The following CLSTN2 variants were observed in gnomAD, a reference collection of about 807,000 sequenced individuals.
CLSTN2 encodes calsyntenin-2.
CLSTN2 carries 48 observed loss-of-function variants against 101.2 expected under a neutral mutation model. That is an observed-to-expected ratio of 0.47 (90% CI 0.38 to 0.60). The LOEUF (loss-of-function observed/expected upper bound fraction) is 0.60. Among genes scored for constraint, CLSTN2 ranks in the 20% least tolerant of loss-of-function variants. CLSTN2 has a pLI of 0.00. For missense variants in CLSTN2, 1,160 were observed against 1,238.2 expected (o/e 0.94, Z 0.95); for synonymous variants, 481 against 463.6 (o/e 1.04, Z -0.48).
chr3:140,293,357 C>G (rs1233717428), intron 2 of CLSTN2, among the ~76,000 whole-genome samples: 2 of 152,120 alleles, frequency 1.3e-5, no homozygotes, highest in African/African-American at 2.4e-5. Context: ...TACTTCCTAT[C>G]CAGGCAAGGC....
Position 140,566,403 on chromosome 3 carries a change from G to A in CLSTN2, c.*150G>A. 1 of 742,618 alleles carries A rather than the reference G, an allele frequency of 1.3e-6. No homozygotes were observed. Among genetic ancestry groups the A allele is most frequent in the Non-Finnish European group, 2.2e-6 (1 of 446,570 alleles). The allele number at this position is 742,618 out of a possible 1,614,324, so 46.0% of individuals were successfully genotyped here. ...CTGGAGCCCACCCTTTAAGCCTTGG[G>A]CACTCCCTGTGTTTCATCCATGGGG... On this transcript the variant is annotated 3_prime_UTR_variant, in exon 17 of 17. Transcript: ENST00000458420.
At chr3:140,116,884 C>T (rs948354957) in intron 1 of CLSTN2, among the ~76,000 whole-genome samples, 1 of 152,166 alleles carries the variant, frequency 6.6e-6, no homozygotes, top group Non-Finnish European at 1.5e-5. Context: ...GCAAAGTGCA[C>T]TGAGTGCTTT....
At chr3:140,299,782 A>G (rs1267118101) in intron 2 of CLSTN2, among the ~76,000 whole-genome samples, 1 of 152,232 alleles carries the variant, frequency 6.6e-6, no homozygotes, top group Non-Finnish European at 1.5e-5. Flanking sequence ...TTCTTTGGCT[A>G]TATTCTATCA....
intron 1 of CLSTN2, among the ~76,000 whole-genome samples, chr3:140,063,553 A>G (rs556176453): frequency 6.6e-6 from 1 of 152,338 alleles, no homozygotes; most frequent in Non-Finnish European, 1.5e-5. Flanking sequence ...TCCTTATCTT[A>G]GGGAATACAA....
chr3:140,534,095 T>C (rs1935313848), intron 9 of CLSTN2, among the ~76,000 whole-genome samples: 2 of 152,162 alleles, frequency 1.3e-5, no homozygotes, highest in East Asian at 1.9e-4. Flanking sequence ...CTATTTAGTA[T>C]AGCAGGGCAG....
In CLSTN2 at chr3:140,571,246, C is replaced by T. The variant is rs535548996; in HGVS notation, c.*4993C>T. The T allele has an allele frequency of 1.3e-5, 2 of 152,316 alleles. No individual in the cohort carries two copies. Among genetic ancestry groups the T allele is most frequent in the African/African-American group, 2.4e-5 (1 of 41,578 alleles). 9.4% of individuals were successfully genotyped at this position (152,316 alleles called of 1,614,324 possible). A position where few individuals can be genotyped will look rare whatever the true frequency, so the allele number is the denominator to read the frequency against. ...TAAAAATGATCCTAAAGACTTGTGA[C>T]TGTTTGAATCAATAGCAACATCATC... On this transcript the variant is annotated 3_prime_UTR_variant, in exon 17 of 17. Transcript: ENST00000458420.
At chr3:140,390,213 A>G (rs564092540) in intron 2 of CLSTN2, among the ~76,000 whole-genome samples, 1 of 151,966 alleles carries the variant, frequency 6.6e-6, no homozygotes, top group Admixed American at 6.6e-5. Flanking sequence ...TTGATTTTAT[A>G]TTCTCTTTCT....
chr3:140,252,262 G>A (rs1391440052), intron 2 of CLSTN2, among the ~76,000 whole-genome samples: 1 of 152,164 alleles, frequency 6.6e-6, no homozygotes. Flanking sequence ...AGGGTAGGGA[G>A]CAAACTCCAC....
intron 2 of CLSTN2, among the ~76,000 whole-genome samples, chr3:140,274,111 T>C (rs936694719): frequency 6.6e-6 from 1 of 152,184 alleles, no homozygotes; most frequent in Non-Finnish European, 1.5e-5. Context: ...AGACTTGGCA[T>C]GGTAACATTG....
intron 2 of CLSTN2, among the ~76,000 whole-genome samples, chr3:140,216,675 C>T (rs2010925048): frequency 6.6e-6 from 1 of 152,164 alleles, no homozygotes; most frequent in African/African-American, 2.4e-5. Flanking sequence ...TGTCCAAAAT[C>T]AGACGGAAGG....
At chr3:139,994,609 A>C (rs1169442885) in intron 1 of CLSTN2, among the ~76,000 whole-genome samples, 1 of 152,160 alleles carries the variant, frequency 6.6e-6, no homozygotes, top group Non-Finnish European at 1.5e-5. Flanking sequence ...TCCAGGATAC[A>C]CAGTTCCCTT....
chr3:140,223,558 C>T (rs1217656387), intron 2 of CLSTN2, among the ~76,000 whole-genome samples: 1 of 152,106 alleles, frequency 6.6e-6, no homozygotes, highest in Non-Finnish European at 1.5e-5. Flanking sequence ...CGGCTTTTTA[C>T]CCTATCATCA....
At chr3:140,076,045 C>A (rs932062062) in intron 1 of CLSTN2, among the ~76,000 whole-genome samples, 12 of 152,142 alleles carry the variant, frequency 7.9e-5, no homozygotes, top group African/African-American at 2.9e-4. Flanking sequence ...GGAAACTTTA[C>A]ACCTCTTACA....
chr3:140,386,738 G>A (rs2088055729), intron 2 of CLSTN2, among the ~76,000 whole-genome samples: 1 of 152,090 alleles, frequency 6.6e-6, no homozygotes, highest in East Asian at 1.9e-4. Flanking sequence ...CTTTCTCTGG[G>A]CACCAGCACC....
chr3:140,040,039 T>C (rs1403457155), intron 1 of CLSTN2, among the ~76,000 whole-genome samples: 1 of 152,216 alleles, frequency 6.6e-6, no homozygotes, highest in Non-Finnish European at 1.5e-5. Flanking sequence ...GTCCATCTTC[T>C]ATAAGCCAAG....
At chr3:140,472,510 A>G (rs1933872274) in intron 8 of CLSTN2, among the ~76,000 whole-genome samples, 1 of 152,200 alleles carries the variant, frequency 6.6e-6, no homozygotes, top group African/African-American at 2.4e-5. Context: ...CATCTTAATG[A>G]GCAAAATAAT....
intron 5 of CLSTN2, among the ~76,000 whole-genome samples, chr3:140,421,715 C>A (rs1452128497): frequency 6.6e-6 from 1 of 152,048 alleles, no homozygotes; most frequent in African/African-American, 2.4e-5. Flanking sequence ...GGCGGGAGAC[C>A]CAGAATCCAG....
intron 2 of CLSTN2, among the ~76,000 whole-genome samples, chr3:140,374,087 T>C (rs1046003950): frequency 1.3e-5 from 2 of 152,196 alleles, no homozygotes; most frequent in African/African-American, 4.8e-5. Context: ...AAGGACCTCC[T>C]ACAGCATGGC....
intron 12 of CLSTN2, 89 bp downstream of exon 12, chr3:140,558,946 T>G: frequency 9.9e-7 from 1 of 1,010,172 alleles, no homozygotes. Context: ...GCATTGTTCA[T>G]GTAATGTATA....
Sources: allele counts gnomAD v4.1 joint callset (sites outside exome capture counted in the v4.1 genomes callset), GRCh38; gene constraint gnomAD v4.1.1; transcripts MANE v1.5; gene names NCBI Gene and HGNC (gene_info 2026-07-23, HGNC 2026-07-21).